The following ARHGEF37 variants were observed in gnomAD, a reference collection of about 807,000 sequenced individuals.
ARHGEF37 encodes Rho guanine nucleotide exchange factor (GEF) 37.
Under a neutral mutation model 71.1 loss-of-function variants are expected in ARHGEF37, and 55 were observed. The ratio of observed to expected loss-of-function variants is 0.77; its 90% CI spans 0.62 to 0.97. The LOEUF is 0.97. Ranked by LOEUF, ARHGEF37 falls within the 50% of genes least tolerant of loss-of-function variation. ARHGEF37 has a pLI of 0.00. For synonymous variants in ARHGEF37, 327 were observed against 350.6 expected (o/e 0.93, Z 0.75); for missense variants, 765 against 836.8 (o/e 0.91, Z 1.06).
intron 1 of ARHGEF37, among the ~76,000 whole-genome samples, chr5:149,583,993 C>T (rs1020008380): frequency 6.6e-6 from 1 of 151,972 alleles, no homozygotes; most frequent in Non-Finnish European, 1.5e-5. Context: ...CTCCTGGATG[C>T]CAGTGATCCT....
chr5:149,563,746 C>T (rs1050450679), intron 1 of ARHGEF37, among the ~76,000 whole-genome samples: 1 of 152,270 alleles, frequency 6.6e-6, no homozygotes, highest in East Asian at 1.9e-4. Flanking sequence ...GACACGACCA[C>T]TTCTGGTATC....
chr5:149,598,409 T>TCTTCTCCTTCTTCTC, intron 2 of ARHGEF37, among the ~76,000 whole-genome samples: 1 of 141,374 alleles, frequency 7.1e-6, no homozygotes, highest in Non-Finnish European at 1.6e-5. Flanking sequence ...TTCCTCTTCC[T>TCTTCTCCTTCTTCTC]CTTCTCCTTC....
intron 1 of ARHGEF37, among the ~76,000 whole-genome samples, chr5:149,593,603 C>T (rs190115647): frequency 2.0e-5 from 3 of 152,318 alleles, no homozygotes; most frequent in Admixed American, 2.0e-4. Flanking sequence ...TGATGGTCCA[C>T]TGTTCACTGG....
intron 1 of ARHGEF37, among the ~76,000 whole-genome samples, chr5:149,566,007 G>T (rs149277530): frequency 6.6e-6 from 1 of 151,028 alleles, no homozygotes; most frequent in Admixed American, 6.6e-5. Context: ...GTGCCACCAC[G>T]CCTGGCTTTT....
At position 149,618,212 on chromosome 5, in the gene ARHGEF37, G is replaced by A. The variant is rs777212007; in HGVS notation, c.695G>A (p.Arg232Gln). The change falls in exon 6 of 13, where the codon CGG becomes CAG. Residue 232 changes from arginine to glutamine, a missense_variant. By Grantham distance (43) the Arg-to-Gln change is conservative. Around this residue, in one of 5 missense-constraint regions of ARHGEF37, gnomAD observed 167 missense variants for 173.3 expected, o/e 0.96. Transcript: ENST00000333677. ...ACCAAGGTAGAGCAGCTGACCCTCC[G>A]GGAGCGGCTGGCCCGCATCAACACA... ...KYTKVEQLTL[R>Q]ERLARINTHT... is the part of the protein sequence containing the mutation. 3.7e-5 allele frequency: 60 copies of A among 1,614,032 alleles called. No individual in the cohort carries two copies. Among genetic ancestry groups the A allele is most frequent in the South Asian group, 2.3e-4 (21 of 91,074 alleles).
At chr5:149,608,412 G>A (rs921680712) in intron 3 of ARHGEF37, among the ~76,000 whole-genome samples, 3 of 150,234 alleles carry the variant, frequency 2.0e-5, no homozygotes, top group African/African-American at 7.4e-5. Flanking sequence ...GCTCTGTTGT[G>A]CAGGCTGGAG....
At chr5:149,562,446 T>TTTAC (rs1762844344) in intron 1 of ARHGEF37, among the ~76,000 whole-genome samples, 1 of 151,804 alleles carries the variant, frequency 6.6e-6, no homozygotes, top group African/African-American at 2.4e-5. Flanking sequence ...ATTATTTTTA[T>TTTAC]TTATTTATTT....
At chr5:149,598,845 T>G (rs1482412185) in intron 2 of ARHGEF37, among the ~76,000 whole-genome samples, 1 of 150,732 alleles carries the variant, frequency 6.6e-6, no homozygotes, top group Admixed American at 6.6e-5. Context: ...TATATTTATA[T>G]TTATATACAC....
chr5:149,574,669 C>T (rs998260479), intron 1 of ARHGEF37, among the ~76,000 whole-genome samples: 1 of 152,220 alleles, frequency 6.6e-6, no homozygotes, highest in African/African-American at 2.4e-5. Flanking sequence ...CATCCATCTT[C>T]CTGTTGACAC....
chr5:149,631,845 T>C (rs1752892318), intron 12 of ARHGEF37, 137 bp from the exon 13 acceptor site: 2 of 773,376 alleles, frequency 2.6e-6, no homozygotes, highest in Non-Finnish European at 4.2e-6. Context: ...GTACAAAAGA[T>C]GTACTTGGGA....
intron 3 of ARHGEF37, among the ~76,000 whole-genome samples, chr5:149,608,008 T>G (rs2113338595): frequency 6.6e-6 from 1 of 152,186 alleles, no homozygotes; most frequent in Admixed American, 6.5e-5. Context: ...GATCTTGTGA[T>G]CCACCCATCT....
intron 11 of ARHGEF37, among the ~76,000 whole-genome samples, chr5:149,627,892 GT>G (rs1752744732): frequency 6.6e-6 from 1 of 152,222 alleles, no homozygotes; most frequent in African/African-American, 2.4e-5. Context: ...TCCACAGACA[GT>G]TTTTCCCCCT....
chr5:149,568,811 C>CAA (rs748620450), intron 1 of ARHGEF37, among the ~76,000 whole-genome samples: 25 of 57,218 alleles, frequency 4.4e-4, no homozygotes, highest in Middle Eastern at 0.01. Context: ...GACTCCATCT[C>CAA]AAAAAAAAAA....
At chr5:149,619,175 A>C in intron 7 of ARHGEF37, 133 bp downstream of exon 7, 192 of 726,088 alleles carry the variant, frequency 2.6e-4, no homozygotes, top group East Asian at 6.0e-4. Context: ...ATCCTGTCTC[A>C]TCTCTTCTGG....
At chr5:149,572,838 T>A (rs1483826834) in intron 1 of ARHGEF37, among the ~76,000 whole-genome samples, 1 of 152,216 alleles carries the variant, frequency 6.6e-6, no homozygotes, top group Non-Finnish European at 1.5e-5. Context: ...TCCAGCCTGC[T>A]GGCCTACACT....
chr5:149,618,941 G>A lies in ARHGEF37; in HGVS notation c.793G>A (p.Glu265Lys), dbSNP rs761455984. 1.9e-6 allele frequency: 3 copies of A among 1,613,410 alleles called. No homozygotes were observed. In the South Asian group the frequency reaches 3.3e-5, roughly 18 times the overall value. The change falls in exon 7 of 13, where the codon GAA becomes AAA. Residue 265 changes from glutamate to lysine, a missense_variant. Physicochemically the swap from Glu to Lys is moderately conservative, Grantham distance 56. Coordinates refer to ENST00000333677, the MANE Select transcript of ARHGEF37 (RefSeq NM_001001669.3). ...KQEAGLIPRT[E>K]DKEFDDLEER... ...CCCTCACACACATTACTTTCAGACA[G>A]AAGACAAGGAATTTGATGATTTAGA...
At chr5:149,606,693 A>G (rs1235328865) in intron 3 of ARHGEF37, 1 of 152,194 alleles carries the variant, frequency 6.6e-6, no homozygotes, top group Non-Finnish European at 1.5e-5. Context: ...CGCCATGCTA[A>G]TCTCTATATT....
intron 1 of ARHGEF37, among the ~76,000 whole-genome samples, chr5:149,573,472 A>T (rs1762991312): frequency 6.6e-6 from 1 of 152,186 alleles, no homozygotes; most frequent in African/African-American, 2.4e-5. Context: ...TCTCCATAGG[A>T]GCACTTTTCT....
chr5:149,626,959 T>G (rs1289250365), intron 10 of ARHGEF37, 117 bp from the exon 11 acceptor site: 4 of 385,048 alleles, frequency 1.0e-5, no homozygotes, highest in African/African-American at 1.0e-4. Context: ...GGCCCTTCAG[T>G]GGCAGAGTTA....
Sources: allele counts gnomAD v4.1 joint callset (sites outside exome capture counted in the v4.1 genomes callset), GRCh38; gene constraint gnomAD v4.1.1; regional missense constraint gnomAD v4.1.1; transcripts MANE v1.5; gene names NCBI Gene and HGNC (gene_info 2026-07-23, HGNC 2026-07-21).